The following RANBP2 variants were observed in gnomAD, a reference collection of about 807,000 sequenced individuals.
RANBP2 encodes the protein RAN binding protein 2.
A neutral mutation model predicts 303.6 loss-of-function variants in RANBP2; 57 were observed. The ratio of observed to expected loss-of-function variants is 0.19; its 90% CI spans 0.15 to 0.23. The LOEUF (loss-of-function observed/expected upper bound fraction) is 0.23, where lower values mean the gene tolerates loss of function less well. Among genes scored for constraint, RANBP2 ranks in the 10% least tolerant of loss-of-function variants. The pLI is 1.00. For synonymous variants in RANBP2, 1,167 were observed against 1,301.5 expected, an observed-to-expected ratio of 0.90 and a Z score of 2.23; for missense variants, 3,138 against 3,780.8, an observed-to-expected ratio of 0.83 and a Z score of 4.46.
At chr2:109,738,164 G>A in the RANBP2 span, among the ~76,000 whole-genome samples, 1 of 152,032 alleles carries the variant, frequency 6.6e-6, no homozygotes, top group Non-Finnish European at 1.5e-5. Context: ...CCAGCTCAAT[G>A]ACCTAAGCAT....
chr2:109,541,146 T>C, the RANBP2 span, among the ~76,000 whole-genome samples: 2 of 152,212 alleles, frequency 1.3e-5, no homozygotes, highest in Non-Finnish European at 2.9e-5. Context: ...ATGGTTACCC[T>C]AGAGATGGCA....
chr2:109,423,196 G>A, the RANBP2 span, among the ~76,000 whole-genome samples: 1 of 152,076 alleles, frequency 6.6e-6, no homozygotes, highest in Non-Finnish European at 1.5e-5. Context: ...TAGGGAGATG[G>A]GGGGTTGGCC....
chr2:109,034,621 T>A, the RANBP2 span, among the ~76,000 whole-genome samples: 1 of 152,236 alleles, frequency 6.6e-6, no homozygotes, highest in African/African-American at 2.4e-5. Flanking sequence ...GGCCACTTCA[T>A]GGAGCTAAGG....
chr2:108,789,088 C>T (rs1170371301), downstream of RANBP2: 2 of 835,784 alleles, frequency 2.4e-6, no homozygotes, highest in Non-Finnish European at 3.7e-6. Context: ...AAGTATAAGG[C>T]AGTCTGGAGC....
chr2:109,593,240 A>T, the RANBP2 span: 1 of 557,108 alleles, frequency 1.8e-6, no homozygotes, highest in Non-Finnish European at 3.0e-6. Context: ...CCAAGTTTTG[A>T]TGTGTAGTCT....
At chr2:108,873,603 A>G in the RANBP2 span, 1 of 1,534,736 alleles carries the variant, frequency 6.5e-7, no homozygotes, top group Non-Finnish European at 8.9e-7. Context: ...AGAATTTCTT[A>G]TTTCTAACAT....
At chr2:109,441,632 T>C in the RANBP2 span, among the ~76,000 whole-genome samples, 1 of 152,130 alleles carries the variant, frequency 6.6e-6, no homozygotes, top group Non-Finnish European at 1.5e-5. Flanking sequence ...AAAAATGATT[T>C]GAAGAAATAA....
At chr2:108,944,574 C>T in the RANBP2 span, among the ~76,000 whole-genome samples, 7 of 152,180 alleles carry the variant, frequency 4.6e-5, no homozygotes, top group African/African-American at 1.7e-4. Context: ...CCTTCACAAG[C>T]AGACCTGGCC....
At chr2:109,482,248 C>T in the RANBP2 span, among the ~76,000 whole-genome samples, 1 of 152,140 alleles carries the variant, frequency 6.6e-6, no homozygotes, top group African/African-American at 2.4e-5. Context: ...GTGCCCGGCT[C>T]ATAGTCAGCT....
At chr2:109,140,354 T>A in the RANBP2 span, among the ~76,000 whole-genome samples, 1 of 152,156 alleles carries the variant, frequency 6.6e-6, no homozygotes, top group Non-Finnish European at 1.5e-5. Context: ...ATGTTCTTTT[T>A]CTATTTTTCC....
chr2:108,798,130 A>G, the RANBP2 span, among the ~76,000 whole-genome samples: 2 of 152,174 alleles, frequency 1.3e-5, no homozygotes, highest in African/African-American at 4.8e-5. Context: ...GAAGCAGAGC[A>G]TGGAATTTAA....
the RANBP2 span, among the ~76,000 whole-genome samples, chr2:109,529,955 C>T: frequency 6.6e-6 from 1 of 152,184 alleles, no homozygotes; most frequent in Non-Finnish European, 1.5e-5. Flanking sequence ...GGGCCATCAG[C>T]CTTTTAGCAA....
chr2:109,455,957 T>C, the RANBP2 span, among the ~76,000 whole-genome samples: 2 of 152,170 alleles, frequency 1.3e-5, no homozygotes, highest in Non-Finnish European at 2.9e-5. Context: ...CCAGAACTGA[T>C]TCACCCACGT....
At chr2:109,131,531 C>T in the RANBP2 span, among the ~76,000 whole-genome samples, 1 of 152,124 alleles carries the variant, frequency 6.6e-6, no homozygotes, top group African/African-American at 2.4e-5. Flanking sequence ...TAGTAAAACG[C>T]TGGGACATTC....
At chr2:109,181,664 A>C in the RANBP2 span, among the ~76,000 whole-genome samples, 2 of 152,070 alleles carry the variant, frequency 1.3e-5, no homozygotes, top group African/African-American at 2.4e-5. Flanking sequence ...ACCAAATCCA[A>C]ATTTCCCTCC....
chr2:109,476,607 A>C, the RANBP2 span, among the ~76,000 whole-genome samples: 1 of 152,220 alleles, frequency 6.6e-6, no homozygotes, highest in Non-Finnish European at 1.5e-5. Context: ...CATGGTTATG[A>C]AGTGATTGTG....
chr2:109,381,319 G>C, the RANBP2 span, among the ~76,000 whole-genome samples: 2 of 152,326 alleles, frequency 1.3e-5, no homozygotes, highest in South Asian at 2.1e-4. Context: ...CTGTTTTTCT[G>C]CTTCTCCTGT....
chr2:109,459,975 C>A, the RANBP2 span, among the ~76,000 whole-genome samples: 1 of 152,184 alleles, frequency 6.6e-6, no homozygotes, highest in African/African-American at 2.4e-5. Flanking sequence ...AGAATATTGT[C>A]CCAGCCCTGC....
the RANBP2 span, among the ~76,000 whole-genome samples, chr2:109,580,643 AGCC>A: frequency 6.6e-6 from 1 of 152,340 alleles, no homozygotes; most frequent in African/African-American, 2.4e-5. Flanking sequence ...AGAAAAATAA[AGCC>A]TGTCTTCAGT....
Sources: allele counts gnomAD v4.1 joint callset (sites outside exome capture counted in the v4.1 genomes callset), GRCh38; gene constraint gnomAD v4.1.1; transcripts MANE v1.5; gene names NCBI Gene and HGNC (gene_info 2026-07-23, HGNC 2026-07-21).